The following STXBP6 variants were observed in gnomAD, a reference collection of about 807,000 sequenced individuals.
The protein encoded by STXBP6 is syntaxin binding protein 6.
Under a neutral mutation model 26.9 loss-of-function variants are expected in STXBP6, and 21 were observed. The ratio of observed to expected loss-of-function variants is 0.78; its 90% CI spans 0.55 to 1.12. STXBP6 has a LOEUF of 1.12. Ranked by LOEUF, STXBP6 falls within the 50% of genes most tolerant of loss-of-function variation. The pLI, the probability that STXBP6 is intolerant of heterozygous loss-of-function variation, is 0.00. For missense variants in STXBP6, 232 were observed against 257.9 expected, an observed-to-expected ratio of 0.90 and a Z score of 0.69; for synonymous variants, 97 against 92.6, an observed-to-expected ratio of 1.05 and a Z score of -0.27.
At chr14:24,826,006 C>A (rs565724243) in intron 4 of STXBP6, among the ~76,000 whole-genome samples, 29 of 149,316 alleles carry the variant, frequency 1.9e-4, no homozygotes, top group Non-Finnish European at 3.8e-4. Flanking sequence ...TAACGTGGCT[C>A]TAAATTTGGT....
chr14:25,044,498 C>T (rs1334597194), intron 1 of STXBP6, among the ~76,000 whole-genome samples: 3 of 152,186 alleles, frequency 2.0e-5, no homozygotes, highest in Admixed American at 2.0e-4. Context: ...TGCCCCCGTC[C>T]AGTTCCAGGC....
chr14:24,867,756 C>T (rs776616803), intron 2 of STXBP6, among the ~76,000 whole-genome samples: 13 of 152,226 alleles, frequency 8.5e-5, no homozygotes, highest in African/African-American at 1.9e-4. Context: ...CCTTGGGTTA[C>T]GGCAAAGATT....
chr14:25,032,781 T>C (rs1053048000), intron 1 of STXBP6, among the ~76,000 whole-genome samples: 1 of 152,212 alleles, frequency 6.6e-6, no homozygotes, highest in Non-Finnish European at 1.5e-5. Flanking sequence ...AGGCTCATCA[T>C]ACAGATAGAT....
At chr14:25,042,558 G>A (rs545328650) in intron 1 of STXBP6, among the ~76,000 whole-genome samples, 31 of 152,300 alleles carry the variant, frequency 2.0e-4, no homozygotes, top group African/African-American at 6.5e-4. Context: ...AAACTGTGGC[G>A]CAGATGTTAA....
intron 1 of STXBP6, chr14:24,987,785 A>C: frequency 1.0e-6 from 1 of 956,252 alleles, no homozygotes; most frequent in Non-Finnish European, 1.2e-6. Flanking sequence ...GTTGTTACCC[A>C]AGGGAGATGC....
chr14:24,842,085 T>C (rs1363502798), intron 4 of STXBP6, among the ~76,000 whole-genome samples: 1 of 152,222 alleles, frequency 6.6e-6, no homozygotes, highest in Non-Finnish European at 1.5e-5. Context: ...GGTCTGAGGC[T>C]CTTGTTCTGG....
intron 2 of STXBP6, chr14:24,878,636 A>G (rs973904274): frequency 4.9e-5 from 9 of 185,068 alleles, no homozygotes; most frequent in African/African-American, 1.9e-4. Context: ...TTATTTTTAA[A>G]TTTATTTTTA....
At chr14:24,849,694 A>G (rs2069081038) in intron 4 of STXBP6, among the ~76,000 whole-genome samples, 1 of 152,176 alleles carries the variant, frequency 6.6e-6, no homozygotes. Flanking sequence ...TTAAAGAACT[A>G]TAAGAAACAT....
intron 4 of STXBP6, 71 bp from the exon 5 acceptor site, chr14:24,819,265 G>A (rs747612336): frequency 6.3e-7 from 1 of 1,582,038 alleles, no homozygotes; most frequent in South Asian, 1.1e-5. Context: ...CCGGCAGGGT[G>A]AGTATCCTGT....
chr14:24,885,503 C>T lies in STXBP6; in HGVS notation c.155-28346G>A, dbSNP rs1055349019. ...GGCCTTAAAGCCCATTACACTCAATCCCCTACCTTCACAAGGGAGGCCACC... is the reference window on the plus strand; with the variant it reads ...GGCCTTAAAGCCCATTACACTCAATTCCCTACCTTCACAAGGGAGGCCACC... On this transcript the variant is annotated intron_variant, in intron 2 of 5. Transcript: ENST00000323944. 2.0e-5 allele frequency among the ~76,000 whole-genome samples: 3 copies of T among 152,354 alleles called. No individual in the cohort carries two copies. The South Asian group carries it at 6.2e-4, about 32-fold the overall frequency.
intron 1 of STXBP6, among the ~76,000 whole-genome samples, chr14:24,980,548 C>G (rs1040779709): frequency 1.2e-4 from 18 of 152,176 alleles, no homozygotes; most frequent in African/African-American, 4.1e-4. Context: ...AGACAGGTAA[C>G]TTTAATCTGG....
chr14:24,818,348 T>A (rs1020540738), intron 5 of STXBP6, among the ~76,000 whole-genome samples: 5 of 152,128 alleles, frequency 3.3e-5, no homozygotes, highest in Non-Finnish European at 7.4e-5. Flanking sequence ...CCCTTTCCCT[T>A]CTAAAAGGCA....
intron 1 of STXBP6, among the ~76,000 whole-genome samples, chr14:24,976,711 G>A (rs995363102): frequency 2.0e-5 from 3 of 152,024 alleles, no homozygotes; most frequent in Non-Finnish European, 4.4e-5. Flanking sequence ...AACACATACT[G>A]GTTATTTTCT....
intron 2 of STXBP6, among the ~76,000 whole-genome samples, chr14:24,903,673 T>C (rs553330704): frequency 2.0e-5 from 3 of 152,284 alleles, no homozygotes; most frequent in Admixed American, 6.5e-5. Flanking sequence ...AATAATGCTA[T>C]ATTTTGTTAT....
intron 2 of STXBP6, among the ~76,000 whole-genome samples, chr14:24,893,190 T>C (rs2070855021): frequency 6.6e-6 from 1 of 152,218 alleles, no homozygotes; most frequent in Non-Finnish European, 1.5e-5. Context: ...ACAGAGAAAC[T>C]AGCCTTTCGT....
At chr14:24,988,112 C>A (rs1433012932) in intron 1 of STXBP6, 1 of 153,060 alleles carries the variant, frequency 6.5e-6, no homozygotes, top group Non-Finnish European at 1.5e-5. Flanking sequence ...GCACCAACCA[C>A]CAGATAGAGA....
chr14:25,004,325 C>T (rs948353188), intron 1 of STXBP6, among the ~76,000 whole-genome samples: 1 of 152,212 alleles, frequency 6.6e-6, no homozygotes, highest in African/African-American at 2.4e-5. Flanking sequence ...TTGCTTCTTC[C>T]ATGCGGGCCC....
intron 1 of STXBP6, among the ~76,000 whole-genome samples, chr14:25,018,411 C>A (rs2075198534): frequency 6.6e-6 from 1 of 152,132 alleles, no homozygotes; most frequent in African/African-American, 2.4e-5. Context: ...CCAGAATTTA[C>A]TAAAAATACC....
At position 24,900,980 on chromosome 14, in the gene STXBP6, T is replaced by C. The variant is rs180939317; in HGVS notation, c.155-43823A>G. On this transcript the variant is annotated intron_variant, in intron 2 of 5. Transcript: ENST00000323944. ...TTGGAAGGAGGAGCAATTCTGCTTG[T>C]AGCAGCACAAACTGTTACCGCTGGA... Among the ~76,000 whole-genome samples, 1,000 of 152,270 alleles carry C rather than the reference T, an allele frequency of 6.6e-3. 8 individuals carry two copies. The highest frequency in any genetic ancestry group is 9.8e-3 in the Non-Finnish European group (668 of 68,018).
Sources: allele counts gnomAD v4.1 joint callset (sites outside exome capture counted in the v4.1 genomes callset), GRCh38; gene constraint gnomAD v4.1.1; transcripts MANE v1.5; gene names NCBI Gene and HGNC (gene_info 2026-07-23, HGNC 2026-07-21).